TPP2: variants seen among roughly 807,000 people sequenced by gnomAD.
TPP2 encodes the protein tripeptidyl peptidase 2.
Under a neutral mutation model 155.9 loss-of-function variants are expected in TPP2, and 34 were observed. The observed-to-expected ratio is 0.22, with a 90% confidence interval of 0.17 to 0.29. The LOEUF (loss-of-function observed/expected upper bound fraction) is 0.29, where lower values mean the gene tolerates loss of function less well. Ranked by LOEUF, TPP2 falls within the 10% of genes least tolerant of loss-of-function variation. The pLI is 1.00. For missense variants in TPP2, 1,028 were observed against 1,522.3 expected (o/e 0.68, Z 5.40); for synonymous variants, 510 against 529.4 (o/e 0.96, Z 0.50).
At position 102,664,838 on chromosome 13, in the gene TPP2, C is replaced by T. The variant is rs1884485898; in HGVS notation, c.3284C>T (p.Ala1095Val). Residue 1095 changes from alanine (A) to valine (V), a missense_variant, in exon 27 of 30, where the codon GCT becomes GTT. Coordinates refer to ENST00000376052, the MANE Select transcript of TPP2 (RefSeq NM_001330588.2). ...RLNEIVDAAN[A>V]VISHIDQTAL... ...AATGAAATTGTTGATGCGGCAAATG[C>T]TGTTATTTCTCATATAGATCAAACA... 1 of 1,613,366 alleles carries T rather than the reference C, an allele frequency of 6.2e-7. No homozygotes were observed.
chr13:102,604,768 A>T (rs202226322), intron 1 of TPP2, 25 bp from the exon 2 acceptor site: 1 of 1,603,234 alleles, frequency 6.2e-7, no homozygotes, highest in South Asian at 1.1e-5. Flanking sequence ...TCTACCATTC[A>T]TATTTTAATT....
At chr13:102,649,783 A>G (rs1368098697) in intron 23 of TPP2, among the ~76,000 whole-genome samples, 2 of 151,652 alleles carry the variant, frequency 1.3e-5, no homozygotes, top group Admixed American at 1.3e-4. Context: ...GAAACATGTA[A>G]ATACAAATCA....
chr13:102,606,871 C>T (rs955548409), intron 2 of TPP2, among the ~76,000 whole-genome samples: 1 of 152,194 alleles, frequency 6.6e-6, no homozygotes, highest in Admixed American at 6.5e-5. Context: ...TGTGTCCCCA[C>T]CCCCTGCCAA....
intron 2 of TPP2, chr13:102,607,668 C>T (rs1879946384): frequency 2.2e-6 from 1 of 448,166 alleles, no homozygotes; most frequent in South Asian, 1.6e-5. Context: ...CTCACCTCGA[C>T]CTCTGCTTCC....
At chr13:102,636,197 T>C (rs1200706425) in intron 12 of TPP2, 27 bp from the exon 13 acceptor site, 41 of 1,568,388 alleles carry the variant, frequency 2.6e-5, no homozygotes, top group Non-Finnish European at 3.5e-5. Context: ...ACCATTTATA[T>C]CTTACCATGT....
chr13:102,677,078 A>C (rs149872903), intron 29 of TPP2, among the ~76,000 whole-genome samples: 248 of 152,272 alleles, frequency 1.6e-3, no homozygotes, highest in Non-Finnish European at 1.2e-4. Context: ...TGTAAAACTG[A>C]TCAGTAGGTT....
At position 102,671,423 on chromosome 13, in the gene TPP2, A is replaced by G. The variant is rs181837929; in HGVS notation, c.3372-2860A>G. ...GCTCTTTGTAATTTCTCTCCCTTTA[A>G]AGGTCACTGTTCTACCTAAATAAGA... is the stretch of plus-strand genomic sequence containing the variant. On this transcript the variant is annotated intron_variant, in intron 27 of 29. Transcript: ENST00000376052. Among the ~76,000 whole-genome samples the G allele has an allele frequency of 1.2e-4, 19 of 152,298 alleles. No homozygotes were observed. In the East Asian group the frequency reaches 3.7e-3, roughly 29 times the overall value.
chr13:102,614,843 A>G (rs548937393), intron 3 of TPP2, among the ~76,000 whole-genome samples: 3 of 152,314 alleles, frequency 2.0e-5, no homozygotes, highest in Admixed American at 6.5e-5. Flanking sequence ...CCATGTTGCT[A>G]TTGAGAATTT....
chr13:102,677,975 T>C (rs993650018), intron 29 of TPP2, among the ~76,000 whole-genome samples: 2 of 151,916 alleles, frequency 1.3e-5, no homozygotes, highest in African/African-American at 2.4e-5. Flanking sequence ...CACAGGTTAA[T>C]AGGAAAGAGG....
At chr13:102,638,431 C>T in intron 15 of TPP2, 116 bp downstream of exon 15, 1 of 1,094,774 alleles carries the variant, frequency 9.1e-7, no homozygotes, top group Non-Finnish European at 1.4e-6. Context: ...GGGATTTTGT[C>T]TTAGTTCTGC....
intron 10 of TPP2, among the ~76,000 whole-genome samples, chr13:102,633,682 T>C (rs1340887047): frequency 6.6e-6 from 1 of 152,202 alleles, no homozygotes; most frequent in African/African-American, 2.4e-5. Context: ...CCTGACACTG[T>C]GGCCTGTCAC....
intron 5 of TPP2, 106 bp downstream of exon 5, chr13:102,618,952 A>G: frequency 3.7e-6 from 5 of 1,365,414 alleles, no homozygotes; most frequent in Non-Finnish European, 4.8e-6. Context: ...TATTCGTGAT[A>G]TCACTCAGCA....
At chr13:102,608,328 T>G (rs1256074627) in intron 2 of TPP2, among the ~76,000 whole-genome samples, 1 of 152,174 alleles carries the variant, frequency 6.6e-6, no homozygotes, top group African/African-American at 2.4e-5. Context: ...CTTGTAGAAT[T>G]AATATGTGGA....
In TPP2 at chr13:102,678,307, C is replaced by T. The variant is rs771127079; in HGVS notation, c.3780C>T (p.Cys1260=). ...CCATCATGTATCCTCCCGATTATTG[C>T]GTATTCTAAAATAGGAAACAAGACT... The part of the protein sequence containing the change: ...WLPIMYPPDY[C]VF The change falls in exon 30 of 30, where the codon TGC becomes TGT. Residue 1260 remains cysteine (C), a synonymous_variant. Transcript: ENST00000376052. The T allele has an allele frequency of 3.7e-6, 6 of 1,612,846 alleles. No homozygotes were observed. Among genetic ancestry groups the T allele is most frequent in the Admixed American group, 1.7e-5 (1 of 59,902 alleles).
At chr13:102,613,897 G>A (rs1880507201) in intron 2 of TPP2, among the ~76,000 whole-genome samples, 1 of 152,130 alleles carries the variant, frequency 6.6e-6, no homozygotes, top group Admixed American at 6.5e-5. Context: ...TATTATTCTA[G>A]TTGAATTATT....
chr13:102,654,612 G>T (rs1342099253), intron 24 of TPP2, among the ~76,000 whole-genome samples: 1 of 152,186 alleles, frequency 6.6e-6, no homozygotes, highest in South Asian at 2.1e-4. Flanking sequence ...GCCTGCCTAA[G>T]AGCAGCATAC....
At position 102,604,315 on chromosome 13, in the gene TPP2, T is replaced by C. The variant is rs577916997; in HGVS notation, c.166-478T>C. Among the ~76,000 whole-genome samples the C allele has an allele frequency of 1.1e-3, 175 of 152,350 alleles. 2 individuals are homozygous for C. Among genetic ancestry groups the C allele is most frequent in the Non-Finnish European group, 2.6e-4 (18 of 68,030 alleles). On this transcript the variant is annotated intron_variant, in intron 1 of 29. Coordinates refer to ENST00000376052, the MANE Select transcript of TPP2 (RefSeq NM_001330588.2). ...GGCCTTCCTTGACCAGCCAAACTTA[T>C]GTTGAAAACCCCACACTGACCATCT...
At chr13:102,634,346 C>T (rs1882229356) in intron 11 of TPP2, among the ~76,000 whole-genome samples, 1 of 152,080 alleles carries the variant, frequency 6.6e-6, no homozygotes, top group East Asian at 1.9e-4. Context: ...GTGAACAAAG[C>T]ATCAAAAATA....
chr13:102,622,831 G>T, intron 5 of TPP2, 46 bp from the exon 6 acceptor site: 1 of 1,563,846 alleles, frequency 6.4e-7, no homozygotes. Flanking sequence ...TTTTTAGAAA[G>T]GTAAGAAAAT....
Sources: allele counts gnomAD v4.1 joint callset (sites outside exome capture counted in the v4.1 genomes callset), GRCh38; gene constraint gnomAD v4.1.1; transcripts MANE v1.5; gene names NCBI Gene and HGNC (gene_info 2026-07-23, HGNC 2026-07-21).